Variants in GALNT13 observed in about 807,000 individuals in gnomAD.
The protein encoded by GALNT13 is UDP-GalNAc:polypeptide N-acetylgalactosaminyltransferase 13.
A neutral mutation model predicts 64.2 loss-of-function variants in GALNT13; 28 were observed. The observed-to-expected ratio is 0.44, with a 90% CI of 0.32 to 0.60. The LOEUF (loss-of-function observed/expected upper bound fraction) is 0.60, where lower values mean the gene tolerates loss of function less well. Among genes scored for constraint, GALNT13 ranks in the 20% least tolerant of loss-of-function variants. GALNT13 has a pLI of 0.05. For missense variants in GALNT13, 577 were observed against 669.8 expected (o/e 0.86, Z 1.53); for synonymous variants, 214 against 224.6 (o/e 0.95, Z 0.42).
chr2:153,992,307 G>C (rs1484376443), intron 3 of GALNT13, among the ~76,000 whole-genome samples: 1 of 152,164 alleles, frequency 6.6e-6, no homozygotes, highest in African/African-American at 2.4e-5. Context: ...AGTGTGCTAA[G>C]ATTATATATG....
chr2:153,555,349 C>G, the GALNT13 span, among the ~76,000 whole-genome samples: 1 of 136,396 alleles, frequency 7.3e-6, no homozygotes, highest in African/African-American at 2.8e-5. Flanking sequence ...CGCCCGCTAC[C>G]ACGCCCGGCT....
intron 4 of GALNT13, among the ~76,000 whole-genome samples, chr2:154,237,753 G>A (rs984116160): frequency 6.6e-6 from 1 of 151,568 alleles, no homozygotes; most frequent in Non-Finnish European, 1.5e-5. Context: ...TATAGCCATT[G>A]CTTCATCTAG....
At chr2:153,577,013 C>T in the GALNT13 span, among the ~76,000 whole-genome samples, 1 of 152,090 alleles carries the variant, frequency 6.6e-6, no homozygotes, top group Admixed American at 6.5e-5. Flanking sequence ...ACCTGAAAAC[C>T]ATATAGAAGT....
At chr2:153,660,378 T>C in the GALNT13 span, among the ~76,000 whole-genome samples, 4 of 151,982 alleles carry the variant, frequency 2.6e-5, no homozygotes, top group African/African-American at 4.8e-5. Flanking sequence ...ATTTGTTAAC[T>C]AGCATAAGGA....
At chr2:153,940,774 C>G (rs2105376772) in intron 2 of GALNT13, among the ~76,000 whole-genome samples, 1 of 152,200 alleles carries the variant, frequency 6.6e-6, no homozygotes, top group Non-Finnish European at 1.5e-5. Flanking sequence ...TACCAGCAGC[C>G]TTACACTAGT....
At chr2:153,176,001 G>A in the GALNT13 span, among the ~76,000 whole-genome samples, 1 of 152,266 alleles carries the variant, frequency 6.6e-6, no homozygotes, top group South Asian at 2.1e-4. Context: ...AATGTCCTAT[G>A]GGAGAGAGAG....
At chr2:153,766,682 A>G in the GALNT13 span, among the ~76,000 whole-genome samples, 1 of 151,894 alleles carries the variant, frequency 6.6e-6, no homozygotes, top group African/African-American at 2.4e-5. Flanking sequence ...TATATTCTTT[A>G]TCTCTAGGAT....
At chr2:154,361,725 C>T (rs956598436) in intron 9 of GALNT13, among the ~76,000 whole-genome samples, 1 of 152,016 alleles carries the variant, frequency 6.6e-6, no homozygotes, top group African/African-American at 2.4e-5. Context: ...GAATCATATC[C>T]ACTTAATTTC....
the GALNT13 span, among the ~76,000 whole-genome samples, chr2:153,258,470 C>T: frequency 6.6e-6 from 1 of 152,050 alleles, no homozygotes; most frequent in Non-Finnish European, 1.5e-5. Flanking sequence ...CAGCTTTTAT[C>T]TTTATTATAG....
the GALNT13 span, among the ~76,000 whole-genome samples, chr2:153,635,516 A>T: frequency 1.3e-5 from 2 of 151,220 alleles, no homozygotes; most frequent in African/African-American, 4.9e-5. Context: ...GAAAACAATT[A>T]TTTGGATGAC....
At chr2:154,193,585 C>A (rs114341071) in intron 4 of GALNT13, among the ~76,000 whole-genome samples, 1 of 152,188 alleles carries the variant, frequency 6.6e-6, no homozygotes, top group South Asian at 2.1e-4. Flanking sequence ...ACAGCCTTGT[C>A]CTGACAGAGG....
rs146301920 is a variant in GALNT13, at chr2:154,255,044, G to C, written c.858-3977G>C. ...GAAACTAAGAGCTTGTCCAAAGTCT[G>C]ACAGCAAGGAAAAAGGAGGGGAAGG... On this transcript the variant is annotated intron_variant, in intron 7 of 12. Coordinates refer to ENST00000392825, the MANE Select transcript of GALNT13 (RefSeq NM_052917.4). 1.4e-3 allele frequency among the ~76,000 whole-genome samples: 217 copies of C among 152,190 alleles called. 5 individuals are homozygous for C. The East Asian group carries it at 0.037, about 26-fold the overall frequency.
the GALNT13 span, among the ~76,000 whole-genome samples, chr2:153,274,621 G>A: frequency 2.0e-5 from 3 of 152,152 alleles, no homozygotes; most frequent in African/African-American, 4.8e-5. Context: ...AATGACTCTT[G>A]GGTGAGTCAA....
chr2:153,523,937 T>C, the GALNT13 span, among the ~76,000 whole-genome samples: 1 of 152,162 alleles, frequency 6.6e-6, no homozygotes, highest in Non-Finnish European at 1.5e-5. Flanking sequence ...AGGTGTTTTG[T>C]ACATATTTTT....
At chr2:154,344,727 C>CTT (rs1170411557) in intron 9 of GALNT13, among the ~76,000 whole-genome samples, 5 of 151,940 alleles carry the variant, frequency 3.3e-5, no homozygotes, top group Non-Finnish European at 7.4e-5. Context: ...TCTAAATTCT[C>CTT]TTATTTCTAG....
the GALNT13 span, among the ~76,000 whole-genome samples, chr2:153,847,441 A>G: frequency 6.6e-6 from 1 of 152,104 alleles, no homozygotes; most frequent in East Asian, 1.9e-4. Flanking sequence ...TTTCACCCTA[A>G]GGTAAAAAAG....
At chr2:153,939,339 C>G (rs1691177445) in intron 2 of GALNT13, among the ~76,000 whole-genome samples, 1 of 152,174 alleles carries the variant, frequency 6.6e-6, no homozygotes, top group Non-Finnish European at 1.5e-5. Flanking sequence ...ACCTAAGTCA[C>G]TGATGTGAAC....
chr2:153,995,439 G>T (rs887579522), intron 3 of GALNT13, among the ~76,000 whole-genome samples: 5 of 152,072 alleles, frequency 3.3e-5, no homozygotes, highest in Non-Finnish European at 5.9e-5. Flanking sequence ...ATTAGACATT[G>T]TCATTTCTCT....
At chr2:153,073,664 C>T in the GALNT13 span, among the ~76,000 whole-genome samples, 1 of 152,070 alleles carries the variant, frequency 6.6e-6, no homozygotes, top group South Asian at 2.1e-4. Flanking sequence ...CTTTTTAAAA[C>T]AAAGTGACCA....
Sources: gnomAD v4.1 joint callset for allele counts (sites outside exome capture counted in the v4.1 genomes callset) on GRCh38, gnomAD v4.1.1 for gene constraint, MANE v1.5 for transcripts, NCBI Gene and HGNC (gene_info 2026-07-23, HGNC 2026-07-21) for gene names.